Variants in RAPGEF2 observed in about 807,000 individuals in gnomAD.
The protein encoded by RAPGEF2 is Rap guanine nucleotide exchange factor 2.
A neutral mutation model predicts 186.7 loss-of-function variants in RAPGEF2; 54 were observed. The ratio of observed to expected loss-of-function variants is 0.29; its 90% confidence interval spans 0.23 to 0.36. The LOEUF is 0.36. RAPGEF2 is among the 10% of genes least tolerant of loss of function. RAPGEF2 has a pLI of 1.00. For synonymous variants in RAPGEF2, 712 were observed against 705.9 expected (o/e 1.01, Z -0.14); for missense variants, 1,532 against 2,045.0 (o/e 0.75, Z 4.84).
intron 7 of RAPGEF2, among the ~76,000 whole-genome samples, chr4:159,299,833 A>G (rs1032143709): frequency 2.0e-5 from 3 of 151,962 alleles, no homozygotes; most frequent in Admixed American, 6.6e-5. Context: ...AATGTGTAGA[A>G]TTTACTTTTA....
intron 7 of RAPGEF2, among the ~76,000 whole-genome samples, chr4:159,302,928 C>T (rs1762848187): frequency 6.6e-6 from 1 of 152,020 alleles, no homozygotes; most frequent in Non-Finnish European, 1.5e-5. Context: ...GCGATTATTT[C>T]ACTTCTCCAA....
rs765629503 is a variant in RAPGEF2 at position 159,346,840 on chromosome 4, T to C, written c.3554T>C (p.Val1185Ala). 1.2e-6 allele frequency: 2 copies of C among 1,614,160 alleles called. No individual in the cohort carries two copies. Among genetic ancestry groups the C allele is most frequent in the Admixed American group, 1.7e-5 (1 of 60,018 alleles). Residue 1185 changes from valine to alanine, a missense_variant, in exon 25 of 30, where the codon GTA becomes GCA. Coordinates refer to ENST00000691494, the MANE Select transcript of RAPGEF2 (RefSeq NM_001394067.2). ...KKPVKSETSP[V>A]APRAGSQQKA... The stretch of plus-strand genomic sequence containing the variant: ...CCTGTCAAATCCGAGACCTCTCCAG[T>C]AGCTCCAAGGGCAGGGTCACAACAG...
intron 1 of RAPGEF2, among the ~76,000 whole-genome samples, chr4:159,157,901 A>G (rs1744295765): frequency 6.6e-6 from 1 of 152,246 alleles, no homozygotes; most frequent in Non-Finnish European, 1.5e-5. Flanking sequence ...TGGCAGTGGC[A>G]TGAAGGTTGA....
At chr4:159,183,643 C>G (rs946070189) in intron 1 of RAPGEF2, among the ~76,000 whole-genome samples, 7 of 152,108 alleles carry the variant, frequency 4.6e-5, no homozygotes, top group Non-Finnish European at 1.0e-4. Flanking sequence ...AAGATATTTA[C>G]AAATTACACA....
In RAPGEF2 at chr4:159,338,113, A is replaced by AC. The variant is rs572751400; in HGVS notation, c.2136-198_2136-197insC. Among the ~76,000 whole-genome samples, 1,249 of 147,576 alleles carry AC rather than the reference A, an allele frequency of 8.5e-3. 15 individuals carry two copies. The highest frequency in any genetic ancestry group is 0.032 in the African/African-American group (1,173 of 37,222). ...TCTAAAAACAAACAAACAAAAACAA[A>AC]AAACAAAAACAGGAAAATGAGTTGG... On this transcript the variant is annotated intron_variant, in intron 17 of 29. Transcript: ENST00000691494.
intron 1 of RAPGEF2, among the ~76,000 whole-genome samples, chr4:159,126,825 A>G (rs1740359292): frequency 6.6e-6 from 1 of 152,204 alleles, no homozygotes; most frequent in African/African-American, 2.4e-5. Flanking sequence ...TTTTAGAGGA[A>G]AAAACCCGAG....
rs878989305 is a variant in RAPGEF2, at chr4:159,339,465, G to T, written c.2534+111G>T. The T allele has an allele frequency of 3.8e-6, 5 of 1,311,004 alleles. No homozygotes were observed. The Admixed American group carries it at 1.1e-4, about 30-fold the overall frequency. 81.2% of individuals were successfully genotyped at this position (1,311,004 alleles called of 1,614,324 possible). A position where few individuals can be genotyped will look rare whatever the true frequency, so the allele number is the denominator to read the frequency against. ...TTTTTAAATGAGTAAGTGTCCCTGCGATTAAAAAGTATTGTTGTTGTTTTT... is the reference window on the plus strand; with the variant it reads ...TTTTTAAATGAGTAAGTGTCCCTGCTATTAAAAAGTATTGTTGTTGTTTTT... On this transcript the variant is annotated intron_variant, in intron 19 of 29. Transcript: ENST00000691494.
intron 13 of RAPGEF2, among the ~76,000 whole-genome samples, chr4:159,330,921 G>A (rs1766601645): frequency 6.6e-6 from 1 of 152,092 alleles, no homozygotes; most frequent in African/African-American, 2.4e-5. Flanking sequence ...GTAGGCCCCA[G>A]GATTATAATT....
chr4:159,286,672 T>C (rs994681353), intron 7 of RAPGEF2, among the ~76,000 whole-genome samples: 1 of 152,176 alleles, frequency 6.6e-6, no homozygotes, highest in Non-Finnish European at 1.5e-5. Flanking sequence ...CTTTGTACAT[T>C]TAACAGACCA....
At chr4:159,298,615 G>A (rs1037454626) in intron 7 of RAPGEF2, among the ~76,000 whole-genome samples, 12 of 152,206 alleles carry the variant, frequency 7.9e-5, no homozygotes, top group African/African-American at 2.7e-4. Context: ...GACAGTGTGG[G>A]TGTGTATGTA....
intron 2 of RAPGEF2, among the ~76,000 whole-genome samples, chr4:159,188,158 A>G (rs181714977): frequency 6.6e-6 from 1 of 152,136 alleles, no homozygotes; most frequent in Admixed American, 6.5e-5. Flanking sequence ...AAAAAATTGT[A>G]CTAACAATTA....
rs764631467 is a variant in RAPGEF2, at chr4:159,314,680, T to C, written c.765T>C (p.Ile255=). The C allele has an allele frequency of 2.5e-6, 4 of 1,613,870 alleles. No homozygotes were observed. The highest frequency in any genetic ancestry group is 3.3e-5 in the Admixed American group (2 of 59,998). The change falls in exon 9 of 30, where the codon ATT becomes ATC. Residue 255 remains isoleucine (I), a synonymous_variant. Coordinates refer to ENST00000691494, the MANE Select transcript of RAPGEF2 (RefSeq NM_001394067.2). ...AAGACGACGACGATGAAGAAGACATTGAGAGAGCATCAGATCCTCTGATGA... is the reference window on the plus strand; with the variant it reads ...AAGACGACGACGATGAAGAAGACATCGAGAGAGCATCAGATCCTCTGATGA... ...DSEDDDDEED[I]ERASDPLMSR... is the part of the protein sequence containing the mutation.
chr4:159,190,859 T>A (rs1426018325), intron 2 of RAPGEF2, among the ~76,000 whole-genome samples: 1 of 152,178 alleles, frequency 6.6e-6, no homozygotes, highest in Non-Finnish European at 1.5e-5. Context: ...GAACTGCAAT[T>A]CAAGATAAGA....
intron 1 of RAPGEF2, among the ~76,000 whole-genome samples, chr4:159,111,424 A>G (rs1365997553): frequency 1.3e-5 from 2 of 152,224 alleles, no homozygotes; most frequent in Non-Finnish European, 2.9e-5. Flanking sequence ...ATAAAAATGT[A>G]CATTTCGCTG....
intron 4 of RAPGEF2, among the ~76,000 whole-genome samples, chr4:159,221,636 C>T (rs1370515481): frequency 2.0e-5 from 3 of 152,198 alleles, no homozygotes; most frequent in African/African-American, 7.2e-5. Flanking sequence ...TCTGTTACAC[C>T]TGCTGTTCAG....
At chr4:159,213,449 A>G (rs1042424204) in intron 4 of RAPGEF2, among the ~76,000 whole-genome samples, 35 of 152,176 alleles carry the variant, frequency 2.3e-4, no homozygotes, top group African/African-American at 8.2e-4. Context: ...GAAAGTGCCA[A>G]CTCGTTTTGA....
Position 159,339,692 on chromosome 4 carries a change from G to A in RAPGEF2, c.2534+338G>A, listed in dbSNP as rs185506640. On this transcript the variant is annotated intron_variant, in intron 19 of 29. Coordinates refer to ENST00000691494, the MANE Select transcript of RAPGEF2 (RefSeq NM_001394067.2). ...TAGAGTATGCTTGATGTAAAGTCAC[G>A]GGGTTAAACCCTGGTGCTGTCTTCC... Among the ~76,000 whole-genome samples, 549 of 152,208 alleles carry A rather than the reference G, an allele frequency of 3.6e-3. 1 individual carries two copies. Among genetic ancestry groups the A allele is most frequent in the Non-Finnish European group, 7.0e-3 (477 of 68,000 alleles).
intron 7 of RAPGEF2, among the ~76,000 whole-genome samples, chr4:159,290,772 A>C (rs1761098975): frequency 6.6e-6 from 1 of 151,792 alleles, no homozygotes; most frequent in Non-Finnish European, 1.5e-5. Flanking sequence ...AAAAAGATGA[A>C]GGAAAAGAGA....
At chr4:159,290,159 G>T (rs1360008915) in intron 7 of RAPGEF2, among the ~76,000 whole-genome samples, 1 of 152,220 alleles carries the variant, frequency 6.6e-6, no homozygotes, top group East Asian at 1.9e-4. Flanking sequence ...TGGCACCACA[G>T]TGAAGTGGGT....
Sources: allele counts gnomAD v4.1 joint callset (sites outside exome capture counted in the v4.1 genomes callset), GRCh38; gene constraint gnomAD v4.1.1; transcripts MANE v1.5; gene names NCBI Gene and HGNC (gene_info 2026-07-23, HGNC 2026-07-21).